The following POLR3A variants were observed in gnomAD, a reference collection of about 807,000 sequenced individuals.
POLR3A encodes DNA-directed RNA polymerase III subunit RPC1.
A neutral mutation model predicts 152.8 loss-of-function variants in POLR3A; 112 were observed. The observed-to-expected ratio is 0.73, with a 90% confidence interval of 0.63 to 0.86. The LOEUF (loss-of-function observed/expected upper bound fraction) is 0.86. Ranked by LOEUF, POLR3A falls within the 40% of genes least tolerant of loss-of-function variation. The pLI is 0.00. For synonymous variants in POLR3A, 615 were observed against 652.1 expected, an observed-to-expected ratio of 0.94 and a Z score of 0.87; for missense variants, 1,385 against 1,743.1, an observed-to-expected ratio of 0.79 and a Z score of 3.66.
In POLR3A at chr10:77,998,861, T is replaced by C. The variant is rs778059540; in HGVS notation, c.2616+1120A>G. Among the ~76,000 whole-genome samples the C allele has an allele frequency of 3.4e-4, 51 of 152,238 alleles. 1 individual carries two copies. Among genetic ancestry groups the C allele is most frequent in the Admixed American group, 3.3e-3 (51 of 15,278 alleles). ...AAAGACACATGCACATGTATGTTTATAGCGGCACTATTCACAATAGCAAAG... is the reference window on the plus strand; with the variant it reads ...AAAGACACATGCACATGTATGTTTACAGCGGCACTATTCACAATAGCAAAG... On this transcript the variant is annotated intron_variant, in intron 19 of 30. Coordinates refer to ENST00000372371, the MANE Select transcript of POLR3A (RefSeq NM_007055.4).
chr10:77,985,855 G>GT, intron 23 of POLR3A, 48 bp downstream of exon 23: 1 of 1,368,420 alleles, frequency 7.3e-7, no homozygotes, highest in South Asian at 1.2e-5. Context: ...GAAGGGATAC[G>GT]TGAGACCTAT....
At chr10:77,986,021 A>C in intron 22 of POLR3A, 36 bp from the exon 23 acceptor site, 1 of 1,604,204 alleles carries the variant, frequency 6.2e-7, no homozygotes, top group Non-Finnish European at 8.5e-7. Context: ...AGTTAGGGCC[A>C]GCGGCAACTA....
At chr10:78,022,055 C>T in intron 6 of POLR3A, 33 bp from the exon 7 acceptor site, 1 of 1,614,146 alleles carries the variant, frequency 6.2e-7, no homozygotes, top group African/African-American at 1.3e-5. Flanking sequence ...AGAAACAAAC[C>T]TGGTCAGTTT....
Position 77,984,306 on chromosome 10 carries a change from G to C in POLR3A, c.3243-8C>G, listed in dbSNP as rs1356208557. The C allele has an allele frequency of 3.8e-6, 6 of 1,580,336 alleles. No homozygotes were observed. Among genetic ancestry groups the C allele is most frequent in the Non-Finnish European group, 3.5e-6 (4 of 1,149,566 alleles). ...GCTGTGATAATTGGAGTGCTGTTGA[G>C]AAGCAAAGGAAAAATGGCACTAGCA... On this transcript the variant is annotated splice_polypyrimidine_tract_variant and splice_region_variant and intron_variant, in intron 24 of 30. Coordinates refer to ENST00000372371, the MANE Select transcript of POLR3A (RefSeq NM_007055.4).
At chr10:77,981,226 G>A (rs1847138144) in intron 29 of POLR3A, among the ~76,000 whole-genome samples, 1 of 152,194 alleles carries the variant, frequency 6.6e-6, no homozygotes, top group Admixed American at 6.5e-5. Flanking sequence ...CCATGAGGCT[G>A]TAACTCTCAT....
Position 77,977,536 on chromosome 10 carries a change from G to C in POLR3A, c.4115C>G (p.Pro1372Arg). 1 of 1,614,090 alleles carries C rather than the reference G, an allele frequency of 6.2e-7. No individual in the cohort carries two copies. Among genetic ancestry groups the C allele is most frequent in the Non-Finnish European group, 8.5e-7 (1 of 1,179,976 alleles). ...GTCGAAGATCAGGGGCCTCTTGGGA[G>C]GGTTCGGGTCCCTGTCAGCCTTGTG... ...LLHKADRDPN[P>R]PKRPLIFDTN... Residue 1372 changes from proline to arginine, a missense_variant, in exon 31 of 31, where the codon CCT (proline) becomes CGT (arginine). This residue lies in a region of POLR3A where 332 missense variants were observed against 400.1 expected (regional missense o/e 0.83). Transcript: ENST00000372371.
In POLR3A at chr10:78,029,366, T is replaced by C; in HGVS notation, c.42A>G (p.Lys14=). ...TGGCCACTCTTACTCCGTCTTACAT[T>C]TTCTTGGCCACATCCGTCTCCCGGA... ...EQFRETDVAK[K]ISHICFGMKS... is the part of the protein sequence containing the mutation. The change falls in exon 1 of 31, where the codon AAA becomes AAG. Residue 14 remains lysine, a splice_region_variant and synonymous_variant. Transcript: ENST00000372371. The C allele has an allele frequency of 3.1e-6, 5 of 1,614,140 alleles. No individual in the cohort carries two copies. The highest frequency in any genetic ancestry group is 1.1e-5 in the South Asian group (1 of 91,090).
At chr10:78,024,462 C>T (rs535927846) in intron 5 of POLR3A, 87 bp downstream of exon 5, 51 of 1,378,362 alleles carry the variant, frequency 3.7e-5, no homozygotes, top group African/African-American at 2.2e-4. Flanking sequence ...AGGGGTGGGG[C>T]GGAGTTGGGG....
At chr10:78,013,274 T>G in intron 11 of POLR3A, 1 of 285,182 alleles carries the variant, frequency 3.5e-6, no homozygotes, top group East Asian at 8.5e-5. Flanking sequence ...TACTGGAAAA[T>G]TTACTTAGGT....
Position 78,022,289 on chromosome 10 carries a change from C to T in POLR3A, c.741G>A (p.Pro247=), listed in dbSNP as rs12764690. 7.6e-3 allele frequency: 12,301 copies of T among 1,614,176 alleles called. 57 individuals are homozygous for T. The highest frequency in any genetic ancestry group is 9.5e-3 in the Non-Finnish European group (11,166 of 1,180,018). The change falls in exon 6 of 31, where the codon CCG becomes CCA. Residue 247 remains proline, a synonymous_variant. Transcript: ENST00000372371. Reference sequence around the variant, plus strand: ...AAAGTCGTGTGAGAATCAAATCAGACGGCTTTCCGGCTTCTGGGTTCATCA... The same window carrying T: ...AAAGTCGTGTGAGAATCAAATCAGATGGCTTTCCGGCTTCTGGGTTCATCA... ...LLLMNPEAGK[P]SDLILTRLLV...
At chr10:78,003,651 G>A (rs915607222) in intron 16 of POLR3A, among the ~76,000 whole-genome samples, 7 of 152,102 alleles carry the variant, frequency 4.6e-5, no homozygotes, top group African/African-American at 9.7e-5. Context: ...GGCTGGGCAC[G>A]GTGGCTCATG....
chr10:78,013,216 C>T lies in POLR3A; in HGVS notation c.1572+434G>A, dbSNP rs74585253. 1,637 of 271,062 alleles carry T rather than the reference C, an allele frequency of 6.0e-3. 30 individuals are homozygous for T. Among genetic ancestry groups the T allele is most frequent in the African/African-American group, 0.033 (1,483 of 45,200 alleles). The allele number at this position is 271,062 out of a possible 1,614,324, so 16.8% of individuals were successfully genotyped here. ...ATGTAATATAGTTTAGGAAGGTTTC[C>T]ATTCAGAATGTTCAATAAAATGTGC... On this transcript the variant is annotated intron_variant, in intron 11 of 30. Coordinates refer to ENST00000372371, the MANE Select transcript of POLR3A (RefSeq NM_007055.4).
At position 77,977,428 on chromosome 10, in the gene POLR3A, G is replaced by A. The variant is rs1447997360; in HGVS notation, c.*50C>T. ...GCACAAAACTCTTTATACATCAGCT[G>A]GAGACAGGACAAGGAGTCAAGGTCA... On this transcript the variant is annotated 3_prime_UTR_variant, in exon 31 of 31. Coordinates refer to ENST00000372371, the MANE Select transcript of POLR3A (RefSeq NM_007055.4). 1 of 1,595,874 alleles carries A rather than the reference G, an allele frequency of 6.3e-7. No individual in the cohort carries two copies. Among genetic ancestry groups the A allele is most frequent in the East Asian group, 2.2e-5 (1 of 44,794 alleles).
rs538358702 is a variant in POLR3A, at chr10:77,992,081, T to C, written c.2788-914A>G. Reference sequence around the variant, plus strand: ...ACTCAGAATGGTATTGTCCAGCTACTCTCCAAAAAGGTTGTTCCAAGTTAT... The same window carrying C: ...ACTCAGAATGGTATTGTCCAGCTACCCTCCAAAAAGGTTGTTCCAAGTTAT... On this transcript the variant is annotated intron_variant, in intron 20 of 30. Transcript: ENST00000372371. Among the ~76,000 whole-genome samples, 192 of 152,222 alleles carry C rather than the reference T, an allele frequency of 1.3e-3. 1 individual carries two copies. Among genetic ancestry groups the C allele is most frequent in the Non-Finnish European group, 2.2e-3 (151 of 68,012 alleles).
Position 78,017,566 on chromosome 10 carries a change from G to A in POLR3A, c.1431+9C>T, listed in dbSNP as rs1463243060. 9 of 1,613,938 alleles carry A rather than the reference G, an allele frequency of 5.6e-6. No homozygotes were observed. The highest frequency in any genetic ancestry group is 7.6e-6 in the Non-Finnish European group (9 of 1,179,818). On this transcript the variant is annotated intron_variant, in intron 10 of 30. Coordinates refer to ENST00000372371, the MANE Select transcript of POLR3A (RefSeq NM_007055.4). ...CGTGATGGAAAATTTAAAAAGCAGT[G>A]CTACTCACCAGATGAGCCATAATGC...
chr10:78,004,678 C>T lies in POLR3A; in HGVS notation c.2247+38G>A, dbSNP rs140877836. 7.0e-4 allele frequency: 1,092 copies of T among 1,551,128 alleles called. 11 individuals carry two copies. In the African/African-American group the frequency reaches 0.012, roughly 17 times the overall value. ...AGAGCACCACCGTAGCCACTGTGCA[C>T]GGCAAGTGGCGACCCTGAACCAAAG... On this transcript the variant is annotated intron_variant, in intron 16 of 30. Coordinates refer to ENST00000372371, the MANE Select transcript of POLR3A (RefSeq NM_007055.4).
At chr10:77,982,595 C>G in intron 27 of POLR3A, 58 bp downstream of exon 27, 2 of 1,512,818 alleles carry the variant, frequency 1.3e-6, no homozygotes, top group Non-Finnish European at 1.8e-6. Context: ...GGTCCCAGCC[C>G]TGGGTGTCAC....
At chr10:78,004,190 TACCACTGCACTCC>T (rs1847387618) in intron 16 of POLR3A, among the ~76,000 whole-genome samples, 1 of 151,394 alleles carries the variant, frequency 6.6e-6, no homozygotes, top group Admixed American at 6.6e-5. Context: ...GCCAAGATCG[TACCACTGCACTCC>T]AGCCTGGCTG....
At chr10:77,984,144 T>C in intron 25 of POLR3A, 61 bp downstream of exon 25, 2 of 1,315,074 alleles carry the variant, frequency 1.5e-6, no homozygotes, top group Non-Finnish European at 1.1e-6. Context: ...AGCTGATTTT[T>C]ACACTTCCTT....
Sources: gnomAD v4.1 joint callset for allele counts (sites outside exome capture counted in the v4.1 genomes callset) on GRCh38, gnomAD v4.1.1 for gene constraint, gnomAD v4.1.1 regional missense constraint, MANE v1.5 for transcripts, NCBI Gene and HGNC (gene_info 2026-07-23, HGNC 2026-07-21) for gene names.